The following COL4A3 variants were observed in gnomAD, a reference collection of about 807,000 sequenced individuals.
COL4A3 encodes collagen alpha-3(IV) chain.
Under a neutral mutation model 217.4 loss-of-function variants are expected in COL4A3, and 135 were observed. The observed-to-expected ratio is 0.62, with a 90% CI of 0.54 to 0.72. The LOEUF is 0.72. COL4A3 is among the 30% of genes least tolerant of loss of function. The pLI, the probability that COL4A3 is intolerant of heterozygous loss-of-function variation, is 0.00. For missense variants in COL4A3, 1,868 were observed against 2,119.9 expected (o/e 0.88, Z 2.33); for synonymous variants, 690 against 736.3 (o/e 0.94, Z 1.02).
intron 1 of COL4A3, among the ~76,000 whole-genome samples, chr2:227,190,594 G>A (rs1266326251): frequency 1.3e-5 from 2 of 152,216 alleles, no homozygotes; most frequent in East Asian, 3.8e-4. Context: ...TTAAAACAAA[G>A]TGTATTAATT....
chr2:227,243,880 A>G (rs2069167968), intron 3 of COL4A3, among the ~76,000 whole-genome samples: 1 of 152,196 alleles, frequency 6.6e-6, no homozygotes, highest in African/African-American at 2.4e-5. Context: ...ACTGGCTGGC[A>G]TTCTCATCCA....
intron 1 of COL4A3, among the ~76,000 whole-genome samples, chr2:227,168,965 G>A (rs942885410): frequency 7.3e-5 from 11 of 150,806 alleles, no homozygotes; most frequent in Admixed American, 5.3e-4. Flanking sequence ...ATGTATACAT[G>A]TGCCATGCTG....
chr2:227,293,035 C>T (rs1052316666), intron 37 of COL4A3, 156 bp from the exon 38 acceptor site: 57 of 461,542 alleles, frequency 1.2e-4, no homozygotes, highest in Non-Finnish European at 1.5e-4. Context: ...ACCATGTGGC[C>T]GTCTTATTCC....
rs1201806587 is a variant in COL4A3, at chr2:227,280,943, T to G, written c.2425T>G (p.Cys809Gly). Residue 809 changes from cysteine (C) to glycine (G), a missense_variant, in exon 31 of 52, where the codon TGC becomes GGC. Cys to Gly is a radical substitution (Grantham distance 159). Coordinates refer to ENST00000396578, the MANE Select transcript of COL4A3 (RefSeq NM_000091.5). Reference protein sequence around the residue: ...PPGEQGPPGRCIEGPRGAQGL... With the variant: ...PPGEQGPPGRGIEGPRGAQGL... Reference sequence around the variant, plus strand: ...TGGAGAACAAGGACCCCCAGGAAGGTGCATAGAGGGTCCCAGGGGAGCCCA... The same window carrying G: ...TGGAGAACAAGGACCCCCAGGAAGGGGCATAGAGGGTCCCAGGGGAGCCCA... 1 of 1,567,654 alleles carries G rather than the reference T, an allele frequency of 6.4e-7. No individual in the cohort carries two copies. Among genetic ancestry groups the G allele is most frequent in the Admixed American group, 1.9e-5 (1 of 53,800 alleles).
chr2:227,244,253 T>G (rs2069186605), intron 3 of COL4A3, 67 bp from the exon 4 acceptor site: 1 of 1,324,572 alleles, frequency 7.5e-7, no homozygotes, highest in Admixed American at 1.7e-5. Flanking sequence ...CTGGGTTTGA[T>G]GTATGGGTTT....
Position 227,314,578 on chromosome 2 carries a change from C to T in COL4A3, c.*2708C>T, listed in dbSNP as rs2073841416. 1 of 152,532 alleles carries T rather than the reference C, an allele frequency of 6.6e-6. No individual in the cohort carries two copies. The highest frequency in any genetic ancestry group is 1.5e-5 in the Non-Finnish European group (1 of 68,014). 9.4% of individuals were successfully genotyped at this position (152,532 alleles called of 1,614,324 possible). On this transcript the variant is annotated 3_prime_UTR_variant, in exon 52 of 52. Coordinates refer to ENST00000396578, the MANE Select transcript of COL4A3 (RefSeq NM_000091.5). ...ACATTTGAACTTGATGGCTAACTTA[C>T]AAAGATTCTCTATGTATCAAATGTA...
At chr2:227,182,127 G>T (rs2065884794) in intron 1 of COL4A3, among the ~76,000 whole-genome samples, 1 of 152,020 alleles carries the variant, frequency 6.6e-6, no homozygotes, top group South Asian at 2.1e-4. Flanking sequence ...CTATTGATTT[G>T]TCTCAGCTCT....
intron 11 of COL4A3, among the ~76,000 whole-genome samples, chr2:227,252,140 G>T (rs1303403651): frequency 6.7e-6 from 1 of 148,840 alleles, no homozygotes; most frequent in Non-Finnish European, 1.5e-5. Flanking sequence ...GTGAGGCTGA[G>T]CCCCAACAGG....
intron 36 of COL4A3, among the ~76,000 whole-genome samples, chr2:227,290,456 C>T (rs771264348): frequency 9.9e-5 from 15 of 152,038 alleles, no homozygotes; most frequent in Non-Finnish European, 1.6e-4. Context: ...GCTGAGGTCA[C>T]GCTGCTGCAC....
chr2:227,309,754 A>G (rs2073668359), intron 50 of COL4A3, among the ~76,000 whole-genome samples: 1 of 152,054 alleles, frequency 6.6e-6, no homozygotes, highest in Admixed American at 6.6e-5. Context: ...GGTCTGTGCT[A>G]CCATGCCCAG....
chr2:227,183,719 A>G (rs181499339), intron 1 of COL4A3, among the ~76,000 whole-genome samples: 85 of 152,268 alleles, frequency 5.6e-4, no homozygotes, highest in Non-Finnish European at 1.0e-3. Context: ...ATTCTTTCCT[A>G]CTTCTGGTGG....
rs533960302 is a variant in COL4A3, at chr2:227,250,184, G to A, written c.547-956G>A. Among the ~76,000 whole-genome samples, 46 of 152,168 alleles carry A rather than the reference G, an allele frequency of 3.0e-4. No individual in the cohort carries two copies. Among genetic ancestry groups the A allele is most frequent in the African/African-American group, 1.1e-3 (46 of 41,518 alleles). On this transcript the variant is annotated intron_variant, in intron 9 of 51. Transcript: ENST00000396578. The surrounding 1 kb of genome is among the most constrained non-coding windows in gnomAD (Gnocchi z 4.1). ...AAAAATTAGCCAGGTGTGGTGGCGT[G>A]CGCCTGTAGTTCCAGCTACTTGGGA...
At chr2:227,184,099 G>A (rs1182367987) in intron 1 of COL4A3, among the ~76,000 whole-genome samples, 2 of 152,122 alleles carry the variant, frequency 1.3e-5, no homozygotes, top group African/African-American at 4.8e-5. Flanking sequence ...AAGACATCAG[G>A]AATCCAGACA....
intron 1 of COL4A3, among the ~76,000 whole-genome samples, chr2:227,226,618 C>A (rs187709954): frequency 3.9e-4 from 59 of 152,154 alleles, no homozygotes; most frequent in African/African-American, 1.4e-3. Flanking sequence ...TATAGGCACT[C>A]AACATCATGC....
In COL4A3 at chr2:227,284,227, A is replaced by G; in HGVS notation, c.2763A>G (p.Pro921=). ...GTCTGTTAGGGAGCCCTGGAATTCC[A>G]GGAGTAAAGGGCCAGAGAGGAACCC... The part of the protein sequence containing the change: ...TPGQRGSPGI[P]GVKGQRGTPG... The change falls in exon 34 of 52, where the codon CCA becomes CCG. Residue 921 remains proline (P), a synonymous_variant. Transcript: ENST00000396578. 1.9e-6 allele frequency: 3 copies of G among 1,614,102 alleles called. No individual in the cohort carries two copies. The highest frequency in any genetic ancestry group is 2.5e-6 in the Non-Finnish European group (3 of 1,179,984).
chr2:227,303,016 G>C, intron 43 of COL4A3, 22 bp from the exon 44 acceptor site: 1 of 1,573,034 alleles, frequency 6.4e-7, no homozygotes, highest in Non-Finnish European at 8.8e-7. Context: ...TTTTGGTTCT[G>C]CTCCCTTTAT....
intron 7 of COL4A3, 164 bp downstream of exon 7, chr2:227,246,902 T>C: frequency 1.3e-6 from 1 of 744,360 alleles, no homozygotes; most frequent in South Asian, 1.4e-5. Context: ...ACATGCATTA[T>C]GAGTGTAGGA....
chr2:227,257,954 G>T (rs1010068310), intron 18 of COL4A3, among the ~76,000 whole-genome samples: 6 of 152,200 alleles, frequency 3.9e-5, no homozygotes, highest in Non-Finnish European at 8.8e-5. Context: ...GAGACAACAA[G>T]GGATGAAGAA....
chr2:227,203,450 C>T (rs866936608), intron 1 of COL4A3, among the ~76,000 whole-genome samples: 7 of 43,566 alleles, frequency 1.6e-4, no homozygotes, highest in Admixed American at 2.9e-4. Context: ...TATGTGTATA[C>T]ATACATATAT....
Sources: allele counts gnomAD v4.1 joint callset (sites outside exome capture counted in the v4.1 genomes callset), GRCh38; gene constraint gnomAD v4.1.1; non-coding constraint Gnocchi (gnomAD v3.1); transcripts MANE v1.5; gene names NCBI Gene and HGNC (gene_info 2026-07-23, HGNC 2026-07-21).